ZPBP2: variants seen among roughly 807,000 people sequenced by gnomAD.
ZPBP2 encodes the protein zona pellucida-binding protein 2.
ZPBP2 carries 34 observed loss-of-function variants against 37.5 expected under a neutral mutation model. The observed-to-expected ratio is 0.91, with a 90% CI of 0.69 to 1.21. ZPBP2 has a LOEUF of 1.21. ZPBP2 is among the 50% of genes most tolerant of loss of function. The probability of loss-of-function intolerance (pLI) is 0.00; values close to 1 mark genes in which losing one functional copy is unlikely to be tolerated. For synonymous variants in ZPBP2, 143 were observed against 138.4 expected, an observed-to-expected ratio of 1.03 and a Z score of -0.23; for missense variants, 397 against 413.5, an observed-to-expected ratio of 0.96 and a Z score of 0.35.
Position 39,874,360 on chromosome 17 carries a change from G to C in ZPBP2, c.709-894G>C, listed in dbSNP as rs9896961. Among the ~76,000 whole-genome samples the C allele has an allele frequency of 4.4e-3, 662 of 151,908 alleles. 3 individuals carry two copies. The highest frequency in any genetic ancestry group is 0.015 in the African/African-American group (619 of 41,452). ...GATGATCATGGAAATTAGATATAAT[G>C]AACGCCCAATTATCTACATATGGGA... is the stretch of plus-strand genomic sequence containing the variant. On this transcript the variant is annotated intron_variant, in intron 6 of 7. Coordinates refer to ENST00000348931, the MANE Select transcript of ZPBP2 (RefSeq NM_199321.3).
Position 39,876,249 on chromosome 17 carries a change from A to G in ZPBP2, c.890-433A>G, listed in dbSNP as rs370319099. 9.2e-5 allele frequency among the ~76,000 whole-genome samples: 14 copies of G among 152,184 alleles called. No homozygotes were observed. In the South Asian group the frequency reaches 2.7e-3, roughly 29 times the overall value. ...CCAAATTTCTAAATATAGTTATTTT[A>G]ATGTATATTAACTCTTCCTGATGTA... On this transcript the variant is annotated intron_variant, in intron 7 of 7. Coordinates refer to ENST00000348931, the MANE Select transcript of ZPBP2 (RefSeq NM_199321.3).
rs2063395497 is a variant in ZPBP2, at chr17:39,877,439, T to C, written c.*630T>C. ...TTTGTTACAAATGATGAACCAATATTAATTTATTATTAATTATAGCCCATA... is the reference window on the plus strand; with the variant it reads ...TTTGTTACAAATGATGAACCAATATCAATTTATTATTAATTATAGCCCATA... On this transcript the variant is annotated 3_prime_UTR_variant, in exon 8 of 8. Transcript: ENST00000348931. 6.6e-6 allele frequency: 1 copy of C among 152,196 alleles called. No homozygotes were observed. The highest frequency in any genetic ancestry group is 2.4e-5 in the African/African-American group (1 of 41,438). The allele number at this position is 152,196 out of a possible 1,614,324, so 9.4% of individuals were successfully genotyped here. A position where few individuals can be genotyped will look rare whatever the true frequency, so the allele number is the denominator to read the frequency against.
Position 39,868,404 on chromosome 17 carries a change from G to A in ZPBP2, c.50G>A (p.Gly17Glu), listed in dbSNP as rs753594595. 6.2e-7 allele frequency: 1 copy of A among 1,610,930 alleles called. No homozygotes were observed. The highest frequency in any genetic ancestry group is 1.7e-5 in the Admixed American group (1 of 60,026). The change falls in exon 1 of 8, where the codon GGA becomes GAA. Residue 17 changes from glycine to glutamate, a missense_variant and splice_region_variant. Transcript: ENST00000348931. ...LLSAVLWCLT[G>E]VQCPRFTLFN... ...TCCGCGGTGCTCTGGTGCCTCACAG[G>A]AGGTGGGGCTCCCTCCACCCGGTCC...
Position 39,876,938 on chromosome 17 carries a change from A to G in ZPBP2, c.*129A>G. ...AACCACTGGAAAACATGCATTTTGG[A>G]AACTTTAAAATAAATGGTTAACATG... On this transcript the variant is annotated 3_prime_UTR_variant, in exon 8 of 8. Transcript: ENST00000348931. 8.5e-7 allele frequency: 1 copy of G among 1,182,650 alleles called. No homozygotes were observed. Among genetic ancestry groups the G allele is most frequent in the Non-Finnish European group, 1.2e-6 (1 of 840,176 alleles). The allele number at this position is 1,182,650 out of a possible 1,614,324, so 73.3% of individuals were successfully genotyped here.
intron 2 of ZPBP2, 123 bp downstream of exon 2, chr17:39,868,737 G>A: frequency 9.1e-7 from 1 of 1,093,078 alleles, no homozygotes. Flanking sequence ...ATTATACTAA[G>A]CATCTGCTTG....
At chr17:39,875,883 C>CGT (rs1555647948) in intron 7 of ZPBP2, among the ~76,000 whole-genome samples, 1 of 63,770 alleles carries the variant, frequency 1.6e-5, no homozygotes, top group African/African-American at 5.2e-5. Context: ...TGCTTGGCCC[C>CGT]TTTTTTTTTT....
intron 7 of ZPBP2, among the ~76,000 whole-genome samples, chr17:39,876,081 C>G (rs950482424): frequency 6.6e-6 from 1 of 151,306 alleles, no homozygotes; most frequent in Non-Finnish European, 1.5e-5. Flanking sequence ...TTTTTACTGA[C>G]TAATTTTTGT....
chr17:39,870,341 G>A (rs2063358797), intron 2 of ZPBP2, among the ~76,000 whole-genome samples: 1 of 152,126 alleles, frequency 6.6e-6, no homozygotes, highest in African/African-American at 2.4e-5. Flanking sequence ...CCGTGCCCAG[G>A]CCTTTTCTGA....
At position 39,871,492 on chromosome 17, in the gene ZPBP2, T is replaced by C. The variant is rs2063364329; in HGVS notation, c.273T>C (p.Thr91=). 1 of 1,599,682 alleles carries C rather than the reference T, an allele frequency of 6.3e-7. No homozygotes were observed. The highest frequency in any genetic ancestry group is 2.2e-5 in the East Asian group (1 of 44,492). ...ATAATAGAATAAATATAACTGAAAC[T>C]GGACAGCTGATGGTGAAAGATTTTT... is the stretch of plus-strand genomic sequence containing the variant. ...TGNNRINITE[T]GQLMVKDFLE... The change falls in exon 4 of 8, where the codon ACT becomes ACC. Residue 91 remains threonine, a synonymous_variant. Coordinates refer to ENST00000348931, the MANE Select transcript of ZPBP2 (RefSeq NM_199321.3).
rs751043671 is a variant in ZPBP2 at position 39,868,560 on chromosome 17, C to T, written c.64C>T (p.Arg22Cys). The T allele has an allele frequency of 1.2e-6, 2 of 1,614,020 alleles. No homozygotes were observed. The highest frequency in any genetic ancestry group is 1.1e-5 in the South Asian group (1 of 91,090). ...TATTTCCTCCGCAGTCCAATGCCCG[C>T]GTTTTACCTTATTCAATAAGAAGGG... ...LWCLTGVQCP[R>C]FTLFNKKGFI... Residue 22 changes from arginine to cysteine, a missense_variant, in exon 2 of 8, where the codon CGT becomes TGT. Physicochemically the swap from Arg to Cys is radical, Grantham distance 180. Transcript: ENST00000348931.
intron 7 of ZPBP2, among the ~76,000 whole-genome samples, chr17:39,876,374 A>G (rs934077654): frequency 1.3e-5 from 2 of 152,206 alleles, no homozygotes; most frequent in Non-Finnish European, 2.9e-5. Context: ...GAACTAGGAA[A>G]TAGGAACTAG....
intron 1 of ZPBP2, 66 bp from the exon 2 acceptor site, chr17:39,868,478 CGCCCT>C (rs1244464054): frequency 6.2e-7 from 1 of 1,612,606 alleles, no homozygotes; most frequent in African/African-American, 1.3e-5. Flanking sequence ...TCCTTCGCCT[CGCCCT>C]GCCCTGCCCG....
chr17:39,868,312 G>C lies in ZPBP2; in HGVS notation c.-43G>C, dbSNP rs1568089019. ...GTTGGGCCAGGGCTGAGGTAGGAGG[G>C]AGTCTGTCCCTCGACGCCTCCTGCG... On this transcript the variant is annotated 5_prime_UTR_variant, in exon 1 of 8. Coordinates refer to ENST00000348931, the MANE Select transcript of ZPBP2 (RefSeq NM_199321.3). 1 of 1,599,738 alleles carries C rather than the reference G, an allele frequency of 6.3e-7. No homozygotes were observed. Among genetic ancestry groups the C allele is most frequent in the Admixed American group, 1.7e-5 (1 of 59,864 alleles).
chr17:39,869,390 T>TTTCCTTCC (rs71152614), intron 2 of ZPBP2, among the ~76,000 whole-genome samples: 5 of 135,610 alleles, frequency 3.7e-5, no homozygotes, highest in Non-Finnish European at 7.8e-5. Context: ...TCTTTCTTTC[T>TTTCCTTCC]TTCCTTCCTT....
intron 7 of ZPBP2, among the ~76,000 whole-genome samples, chr17:39,876,172 G>A (rs1462618675): frequency 6.6e-6 from 1 of 152,000 alleles, no homozygotes; most frequent in Admixed American, 6.6e-5. Flanking sequence ...GCCCGCCTTG[G>A]CCTCCCAAAG....
At position 39,872,413 on chromosome 17, in the gene ZPBP2, G is replaced by C; in HGVS notation, c.550G>C (p.Glu184Gln). ...LISDLSCHVI[E>Q]PSYKCHSVEI... Reference sequence around the variant, plus strand: ...TTCTGATTTGTCATGCCATGTCATAGAGCCATCATATAAATGCCATTCTGT... The same window carrying C: ...TTCTGATTTGTCATGCCATGTCATACAGCCATCATATAAATGCCATTCTGT... Residue 184 changes from glutamate to glutamine, a missense_variant, in exon 5 of 8, where the codon GAG becomes CAG. Glu to Gln is a conservative substitution (Grantham distance 29). Transcript: ENST00000348931. The C allele has an allele frequency of 6.2e-7, 1 of 1,613,498 alleles. No homozygotes were observed. The highest frequency in any genetic ancestry group is 8.5e-7 in the Non-Finnish European group (1 of 1,179,792).
At chr17:39,873,014 T>G in intron 5 of ZPBP2, 30 bp from the exon 6 acceptor site, 1 of 1,598,108 alleles carries the variant, frequency 6.3e-7, no homozygotes, top group East Asian at 2.2e-5. Context: ...CAGAATCCCT[T>G]TGTGAGTCTA....
rs201729891 is a variant in ZPBP2, at chr17:39,868,309, A to C, written c.-46A>C. 3 of 1,597,644 alleles carry C rather than the reference A, an allele frequency of 1.9e-6. No individual in the cohort carries two copies. The highest frequency in any genetic ancestry group is 2.6e-6 in the Non-Finnish European group (3 of 1,176,208). ...GGTGTTGGGCCAGGGCTGAGGTAGGAGGGAGTCTGTCCCTCGACGCCTCCT... is the reference window on the plus strand; with the variant it reads ...GGTGTTGGGCCAGGGCTGAGGTAGGCGGGAGTCTGTCCCTCGACGCCTCCT... On this transcript the variant is annotated 5_prime_UTR_variant, in exon 1 of 8. Transcript: ENST00000348931.
chr17:39,874,623 A>G (rs939251312), intron 6 of ZPBP2, among the ~76,000 whole-genome samples: 77 of 150,734 alleles, frequency 5.1e-4, no homozygotes, highest in Admixed American at 9.9e-4. Flanking sequence ...ATTAGAGACG[A>G]GGTTTCACCA....
Sources: allele counts gnomAD v4.1 joint callset (sites outside exome capture counted in the v4.1 genomes callset), GRCh38; gene constraint gnomAD v4.1.1; transcripts MANE v1.5; gene names NCBI Gene and HGNC (gene_info 2026-07-23, HGNC 2026-07-21).